The following RNASEH2A variants were observed in gnomAD, a reference collection of about 807,000 sequenced individuals.
The protein encoded by RNASEH2A is RNase H(35).
A neutral mutation model predicts 32.7 loss-of-function variants in RNASEH2A; 30 were observed. The observed-to-expected ratio is 0.92, with a 90% CI of 0.69 to 1.25. The LOEUF is 1.25. RNASEH2A is among the 50% of genes most tolerant of loss of function. RNASEH2A has a pLI of 0.00. For missense variants in RNASEH2A, 409 were observed against 398.1 expected, an observed-to-expected ratio of 1.03 and a Z score of -0.23; for synonymous variants, 147 against 165.4, an observed-to-expected ratio of 0.89 and a Z score of 0.86.
At chr19:12,813,290 C>T (rs751965665) in intron 7 of RNASEH2A, 38 bp from the exon 8 acceptor site, 1 of 1,613,966 alleles carries the variant, frequency 6.2e-7, no homozygotes, top group Non-Finnish European at 8.5e-7. Flanking sequence ...GGGTTGCTCC[C>T]TGTGTAAGTG....
intron 4 of RNASEH2A, 91 bp from the exon 5 acceptor site, chr19:12,809,980 T>C: frequency 6.5e-7 from 1 of 1,527,048 alleles, no homozygotes; most frequent in Non-Finnish European, 9.1e-7. Flanking sequence ...AGAAGAGGAT[T>C]CTGGGTAGCA....
Position 12,806,619 on chromosome 19 carries a change from G to C in RNASEH2A, c.-55G>C. The C allele has an allele frequency of 1.9e-6, 3 of 1,554,602 alleles. No individual in the cohort carries two copies. Among genetic ancestry groups the C allele is most frequent in the South Asian group, 2.4e-5 (2 of 84,296 alleles). ...TCGAGGCCCGCGGAAAACGCGCGCC[G>C]AGACCCGCTCCTGCAGTATTAGTTC... On this transcript the variant is annotated 5_prime_UTR_variant, in exon 1 of 8. Coordinates refer to ENST00000221486, the MANE Select transcript of RNASEH2A (RefSeq NM_006397.3).
At chr19:12,807,704 G>C in intron 4 of RNASEH2A, 198 bp downstream of exon 4, 1 of 616,078 alleles carries the variant, frequency 1.6e-6, no homozygotes, top group Non-Finnish European at 3.0e-6. Context: ...AGCCGCGGCG[G>C]GTAGATCACC....
intron 6 of RNASEH2A, among the ~76,000 whole-genome samples, chr19:12,811,081 GT>G (rs1389024080): frequency 6.6e-6 from 1 of 152,150 alleles, no homozygotes; most frequent in Non-Finnish European, 1.5e-5. Context: ...GATTACAGGT[GT>G]GAACTACTGT....
rs201180210 is a variant in RNASEH2A at position 12,810,133 on chromosome 19, C to T, written c.474C>T (p.Pro158=). The change falls in exon 5 of 8, where the codon CCC becomes CCT. Residue 158 remains proline, a synonymous_variant. Coordinates refer to ENST00000221486, the MANE Select transcript of RNASEH2A (RefSeq NM_006397.3). ...AGGCGCGGCTGCAGCAAAGTTTTCC[C>T]GGGATTGAGGTGACGGTCAAGGCCA... The part of the protein sequence containing the change: ...TYQARLQQSF[P]GIEVTVKAKA... The T allele has an allele frequency of 2.4e-5, 39 of 1,614,210 alleles. No individual in the cohort carries two copies. The Admixed American group carries it at 2.7e-4, about 11-fold the overall frequency.
chr19:12,810,212 A>T lies in RNASEH2A; in HGVS notation c.549+4A>T. The T allele has an allele frequency of 1.2e-6, 2 of 1,614,234 alleles. No individual in the cohort carries two copies. Among genetic ancestry groups the T allele is most frequent in the Non-Finnish European group, 1.7e-6 (2 of 1,180,042 alleles). On this transcript the variant is annotated splice_donor_region_variant and intron_variant, in intron 5 of 7. Transcript: ENST00000221486. ...TGCTGCCAGCATCTGTGCCAAGGTC[A>T]GTACCCTACTAGCCATGGCTGGCTT...
rs920997403 is a variant in RNASEH2A, at chr19:12,813,588, G to A, written c.*122G>A. On this transcript the variant is annotated 3_prime_UTR_variant, in exon 8 of 8. Transcript: ENST00000221486. The stretch of plus-strand genomic sequence containing the variant: ...AAGGTGGGAGTGTGCTCTGCAGCCG[G>A]GTCCAGCTACTTCCTTTTGGAACCT... 9 of 1,244,754 alleles carry A rather than the reference G, an allele frequency of 7.2e-6. No individual in the cohort carries two copies. Among genetic ancestry groups the A allele is most frequent in the African/African-American group, 1.5e-5 (1 of 67,548 alleles). The allele number at this position is 1,244,754 out of a possible 1,614,324, so 77.1% of individuals were successfully genotyped here. A position where few individuals can be genotyped will look rare whatever the true frequency, so the allele number is the denominator to read the frequency against.
chr19:12,813,355 G>A lies in RNASEH2A; in HGVS notation c.789G>A (p.Glu263=). 1 of 1,614,136 alleles carries A rather than the reference G, an allele frequency of 6.2e-7. No individual in the cohort carries two copies. The highest frequency in any genetic ancestry group is 2.2e-5 in the East Asian group (1 of 44,876). ...IWEDSASENQ[E]GLRKITSYFL... ...AGGACTCAGCATCCGAGAATCAGGA[G>A]GGACTCAGGAAGATCACATCCTACT... Residue 263 remains glutamate, a synonymous_variant, in exon 8 of 8, where the codon GAG becomes GAA. Coordinates refer to ENST00000221486, the MANE Select transcript of RNASEH2A (RefSeq NM_006397.3).
chr19:12,811,567 A>G (rs1969072210), intron 6 of RNASEH2A, among the ~76,000 whole-genome samples: 1 of 151,270 alleles, frequency 6.6e-6, no homozygotes, highest in African/African-American at 2.4e-5. Context: ...GCAGTGAGCT[A>G]TGATTATGCC....
At chr19:12,807,573 G>T in intron 4 of RNASEH2A, 67 bp downstream of exon 4, 1 of 1,291,022 alleles carries the variant, frequency 7.7e-7, no homozygotes, top group South Asian at 1.2e-5. Context: ...ACAGGAGTTC[G>T]AGACTGCAGT....
chr19:12,807,078 A>T lies in RNASEH2A; in HGVS notation c.198A>T (p.Ala66=), dbSNP rs767723275. ...CAGATCTGGAGGCGCTGAAAGTGGCAGGTGAGCCCGAGGTGTGCGTCTGGG... is the reference window on the plus strand; with the variant it reads ...CAGATCTGGAGGCGCTGAAAGTGGCTGGTGAGCCCGAGGTGTGCGTCTGGG... ...RLADLEALKV[A]DSKTLLESER... is the part of the protein sequence containing the mutation. The change falls in exon 2 of 8, where the codon GCA becomes GCT. Residue 66 remains alanine, a splice_region_variant and synonymous_variant. Coordinates refer to ENST00000221486, the MANE Select transcript of RNASEH2A (RefSeq NM_006397.3). 89 of 1,614,026 alleles carry T rather than the reference A, an allele frequency of 5.5e-5. No homozygotes were observed. In the South Asian group the frequency reaches 7.8e-4, roughly 14 times the overall value.
At chr19:12,809,319 C>G (rs1043332968) in intron 4 of RNASEH2A, among the ~76,000 whole-genome samples, 6 of 152,220 alleles carry the variant, frequency 3.9e-5, no homozygotes, top group African/African-American at 1.4e-4. Flanking sequence ...TTTCCCCCAG[C>G]AGCTCTTGGA....
At chr19:12,807,182 C>T (rs764236498) in intron 2 of RNASEH2A, 24 bp from the exon 3 acceptor site, 9 of 1,613,960 alleles carry the variant, frequency 5.6e-6, no homozygotes, top group Admixed American at 3.3e-5. Context: ...AGCTGTTCCC[C>T]TTCTCTTCCA....
chr19:12,806,941 A>C, intron 1 of RNASEH2A, 67 bp from the exon 2 acceptor site: 13 of 1,606,260 alleles, frequency 8.1e-6, no homozygotes, highest in Non-Finnish European at 1.1e-5. Flanking sequence ...ACAGGGATGA[A>C]TGGCAACTTT....
chr19:12,809,259 A>G (rs1365160884), intron 4 of RNASEH2A, among the ~76,000 whole-genome samples: 2 of 152,228 alleles, frequency 1.3e-5, no homozygotes, highest in Non-Finnish European at 2.9e-5. Context: ...CAGCTGGTAA[A>G]CAAAAAATAA....
At chr19:12,806,932 C>G in intron 1 of RNASEH2A, 76 bp from the exon 2 acceptor site, 1 of 1,604,110 alleles carries the variant, frequency 6.2e-7, no homozygotes, top group Non-Finnish European at 8.5e-7. Context: ...GATGATAGAA[C>G]AGGGATGAAT....
In RNASEH2A at chr19:12,807,037, C is replaced by T. The variant is rs745517477; in HGVS notation, c.157C>T (p.Pro53Ser). ...GPMVYAICYC[P>S]LPRLADLEAL... ...CATGGTCTACGCCATCTGTTATTGT[C>T]CCCTGCCTCGCCTGGCAGATCTGGA... Residue 53 changes from proline to serine, a missense_variant, in exon 2 of 8, where the codon CCC becomes TCC. Physicochemically the swap from Pro to Ser is moderately conservative, Grantham distance 74. Coordinates refer to ENST00000221486, the MANE Select transcript of RNASEH2A (RefSeq NM_006397.3). 2.5e-6 allele frequency: 4 copies of T among 1,614,094 alleles called. No homozygotes were observed. Among genetic ancestry groups the T allele is most frequent in the Admixed American group, 3.3e-5 (2 of 60,012 alleles).
In RNASEH2A at chr19:12,806,677, G is replaced by T. The variant is rs761331717; in HGVS notation, c.4G>T (p.Asp2Tyr). The T allele has an allele frequency of 7.0e-6, 11 of 1,574,708 alleles. 1 individual carries two copies. Among genetic ancestry groups the T allele is most frequent in the Non-Finnish European group, 6.0e-6 (7 of 1,160,326 alleles). The stretch of plus-strand genomic sequence containing the variant: ...TGGTGGTGGCGGCTGAGGCGGCATG[G>T]ATCTCAGCGAGCTGGAGAGAGACAA... M[D>Y]LSELERDNTG... The change falls in exon 1 of 8, where the codon GAT (aspartate) becomes TAT (tyrosine). Residue 2 changes from aspartate to tyrosine, a missense_variant. Physicochemically the swap from Asp to Tyr is radical, Grantham distance 160. Transcript: ENST00000221486.
chr19:12,807,964 T>C, intron 4 of RNASEH2A: 1 of 217,624 alleles, frequency 4.6e-6, no homozygotes, highest in Non-Finnish European at 9.3e-6. Context: ...AAACTAAAAA[T>C]GGGAGACCAG....
Sources: allele counts gnomAD v4.1 joint callset (sites outside exome capture counted in the v4.1 genomes callset), GRCh38; gene constraint gnomAD v4.1.1; transcripts MANE v1.5; gene names NCBI Gene and HGNC (gene_info 2026-07-23, HGNC 2026-07-21).